SHCBP1L: variants seen among roughly 807,000 people sequenced by gnomAD.
SHCBP1L encodes the protein testicular spindle-associated protein SHCBP1L.
Under a neutral mutation model 62.5 loss-of-function variants are expected in SHCBP1L, and 67 were observed. That is an observed-to-expected ratio of 1.07 (90% confidence interval 0.88 to 1.31). The LOEUF is 1.31. SHCBP1L is among the 40% of genes most tolerant of loss of function. SHCBP1L has a pLI of 0.00. For missense variants in SHCBP1L, 823 were observed against 809.8 expected (o/e 1.02, Z -0.20); for synonymous variants, 284 against 289.4 (o/e 0.98, Z 0.19).
At chr1:182,930,943 C>CTCA (rs1650979657) in intron 5 of SHCBP1L, among the ~76,000 whole-genome samples, 2 of 138,270 alleles carry the variant, frequency 1.4e-5, no homozygotes, top group Non-Finnish European at 3.1e-5. Flanking sequence ...CCAAGCTGGT[C>CTCA]TTGAACTCCT....
At chr1:182,928,522 T>C (rs1650856945) in intron 6 of SHCBP1L, among the ~76,000 whole-genome samples, 1 of 152,144 alleles carries the variant, frequency 6.6e-6, no homozygotes. Flanking sequence ...TGTGGAAATA[T>C]TTAAATCAAG....
intron 1 of SHCBP1L, 192 bp downstream of exon 1, chr1:182,952,537 C>A (rs1385946330): frequency 3.2e-6 from 2 of 629,186 alleles, no homozygotes; most frequent in Non-Finnish European, 5.1e-6. Flanking sequence ...AACCTTAACT[C>A]CTCTAGGGCA....
intron 1 of SHCBP1L, 63 bp from the exon 2 acceptor site, chr1:182,951,530 G>GTTTT: frequency 1.4e-5 from 12 of 831,040 alleles, no homozygotes; most frequent in East Asian, 3.5e-5. Flanking sequence ...AAACTAAGTG[G>GTTTT]TTTTTTTTTT....
chr1:182,943,092 G>A (rs1651426014), intron 2 of SHCBP1L, among the ~76,000 whole-genome samples: 1 of 151,942 alleles, frequency 6.6e-6, no homozygotes, highest in Non-Finnish European at 1.5e-5. Flanking sequence ...ATATGATACT[G>A]AGCTTTATAT....
chr1:182,900,048 GAT>G lies in SHCBP1L; in HGVS notation c.1895_1896del (p.Asn632ThrfsTer5). The G allele has an allele frequency of 6.2e-7, 1 of 1,613,066 alleles. No homozygotes were observed. Among genetic ancestry groups the G allele is most frequent in the Non-Finnish European group, 8.5e-7 (1 of 1,179,450 alleles). ...KMLFKVMQNL[N>X]LEMNNNKIEA... ...TCTATCTTATTATTATTCATTTCCA[GAT>G]TCAGATTTTGCATTACTTTGAAGAG... On this transcript the variant is annotated frameshift_variant, in exon 10 of 10. Coordinates refer to ENST00000367547, the MANE Select transcript of SHCBP1L (RefSeq NM_030933.4). LOFTEE classifies it high-confidence loss of function.
chr1:182,946,301 C>T (rs1651563834), intron 2 of SHCBP1L, among the ~76,000 whole-genome samples: 1 of 152,094 alleles, frequency 6.6e-6, no homozygotes, highest in Non-Finnish European at 1.5e-5. Flanking sequence ...TTGCCACCAA[C>T]CTCTTCCCCC....
intron 6 of SHCBP1L, among the ~76,000 whole-genome samples, chr1:182,913,611 C>T (rs1650257818): frequency 6.6e-6 from 1 of 152,124 alleles, no homozygotes; most frequent in Non-Finnish European, 1.5e-5. Flanking sequence ...ATCTACATAT[C>T]CAAGAAGTGT....
At chr1:182,900,356 ACT>A (rs778745263) in intron 9 of SHCBP1L, 122 bp from the exon 10 acceptor site, 18 of 806,538 alleles carry the variant, frequency 2.2e-5, no homozygotes, top group African/African-American at 8.8e-5. Context: ...AACAACCAAG[ACT>A]CTCAATTTTG....
chr1:182,906,442 T>A (rs1215349215), intron 6 of SHCBP1L, among the ~76,000 whole-genome samples: 1 of 151,856 alleles, frequency 6.6e-6, no homozygotes, highest in Non-Finnish European at 1.5e-5. Flanking sequence ...CTTTTTTTTT[T>A]TTTTCCGAGA....
At chr1:182,912,855 G>A (rs1176155736) in intron 6 of SHCBP1L, among the ~76,000 whole-genome samples, 1 of 151,208 alleles carries the variant, frequency 6.6e-6, no homozygotes, top group Non-Finnish European at 1.5e-5. Context: ...GGTAAACATA[G>A]GCCAGGCACT....
chr1:182,918,199 T>TACATATATATAC (rs1306421209), intron 6 of SHCBP1L, among the ~76,000 whole-genome samples: 6 of 147,422 alleles, frequency 4.1e-5, no homozygotes, highest in South Asian at 2.1e-4. Context: ...CACATATATA[T>TACATATATATAC]ACATATATAT....
intron 5 of SHCBP1L, among the ~76,000 whole-genome samples, chr1:182,930,252 TTC>T (rs1650917834): frequency 6.6e-6 from 1 of 152,290 alleles, no homozygotes; most frequent in African/African-American, 2.4e-5. Context: ...CTGTTCCAGC[TTC>T]TCTCTTAGTT....
chr1:182,912,368 A>G (rs1042231412), intron 6 of SHCBP1L, among the ~76,000 whole-genome samples: 2 of 152,242 alleles, frequency 1.3e-5, no homozygotes, highest in African/African-American at 4.8e-5. Flanking sequence ...ACAGTTGTCC[A>G]AAGAAACCCA....
rs1259908140 is a variant in SHCBP1L, at chr1:182,904,318, C to T, written c.1449G>A (p.Gly483=). 3 of 1,614,166 alleles carry T rather than the reference C, an allele frequency of 1.9e-6. No homozygotes were observed. Among genetic ancestry groups the T allele is most frequent in the Middle Eastern group, 1.6e-4 (1 of 6,062 alleles). ...KLMHLSLIQQ[G]TVDGIVVVES... ...CCACCACCACGATACCATCAACCGT[C>T]CCTTGTTGTATCAAAGATAGATGCA... The change falls in exon 8 of 10, where the codon GGG becomes GGA. Residue 483 remains glycine (G), a synonymous_variant. Transcript: ENST00000367547.
At chr1:182,917,544 A>C (rs1330066391) in intron 6 of SHCBP1L, among the ~76,000 whole-genome samples, 1 of 152,126 alleles carries the variant, frequency 6.6e-6, no homozygotes, top group African/African-American at 2.4e-5. Flanking sequence ...GCACCCGGCC[A>C]GAAATTTATT....
chr1:182,941,151 A>G (rs1651349126), intron 2 of SHCBP1L, among the ~76,000 whole-genome samples: 1 of 151,890 alleles, frequency 6.6e-6, no homozygotes, highest in Admixed American at 6.6e-5. Context: ...TAAAAATGAC[A>G]ATGATAATAA....
intron 2 of SHCBP1L, among the ~76,000 whole-genome samples, chr1:182,949,117 T>TG (rs202056104): frequency 0.032 from 4,887 of 152,204 alleles, 88 homozygotes; most frequent in Admixed American, 0.051. Context: ...TGAGTTTCCA[T>TG]GGAACTTTAG....
chr1:182,939,669 A>G (rs1651294398), intron 3 of SHCBP1L, 116 bp from the exon 4 acceptor site: 1 of 753,292 alleles, frequency 1.3e-6, no homozygotes, highest in African/African-American at 1.8e-5. Context: ...TAAGCAAAAT[A>G]TTTTAAAATG....
rs760282980 is a variant in SHCBP1L at position 182,905,583 on chromosome 1, A to C, written c.1249T>G (p.Cys417Gly). 2.5e-6 allele frequency: 4 copies of C among 1,613,700 alleles called. No homozygotes were observed. In the Admixed American group the frequency reaches 6.7e-5, roughly 27 times the overall value. Reference protein sequence around the residue: ...HGDLDLALDNCYSGDTVIIFP... With the variant: ...HGDLDLALDNGYSGDTVIIFP... ...ATTATTACTGTATCTCCACTATAAC[A>C]ATTATCCAAAGCCAAATCCAAATCA... Residue 417 changes from cysteine (C) to glycine (G), a missense_variant, in exon 7 of 10, where the codon TGT becomes GGT. Cys to Gly is a radical substitution (Grantham distance 159). Coordinates refer to ENST00000367547, the MANE Select transcript of SHCBP1L (RefSeq NM_030933.4).
Sources: allele counts gnomAD v4.1 joint callset (sites outside exome capture counted in the v4.1 genomes callset), GRCh38; gene constraint gnomAD v4.1.1; transcripts MANE v1.5; gene names NCBI Gene and HGNC (gene_info 2026-07-23, HGNC 2026-07-21).